Variants in TNFSF4 observed in about 807,000 individuals in gnomAD.
The protein encoded by TNFSF4 is tumor necrosis factor ligand superfamily member 4.
Under a neutral mutation model 7.3 loss-of-function variants are expected in TNFSF4, and 4 were observed. The ratio of observed to expected loss-of-function variants is 0.55; its 90% CI spans 0.27 to 1.25. The LOEUF (loss-of-function observed/expected upper bound fraction) is 1.25, where lower values mean the gene tolerates loss of function less well. Among genes scored for constraint, TNFSF4 ranks in the 50% most tolerant of loss-of-function variants. TNFSF4 has a pLI of 0.12. For synonymous variants in TNFSF4, 76 were observed against 83.7 expected, an observed-to-expected ratio of 0.91 and a Z score of 0.50; for missense variants, 181 against 208.8, an observed-to-expected ratio of 0.87 and a Z score of 0.82.
intron 1 of TNFSF4, among the ~76,000 whole-genome samples, chr1:173,200,164 T>C (rs1411195932): frequency 6.6e-6 from 1 of 152,234 alleles, no homozygotes; most frequent in Non-Finnish European, 1.5e-5. Flanking sequence ...CTAGCCAACA[T>C]TCTTAAAGCT....
At chr1:173,328,796 A>G in the TNFSF4 span, among the ~76,000 whole-genome samples, 1 of 152,154 alleles carries the variant, frequency 6.6e-6, no homozygotes. Context: ...CCAAACAACT[A>G]AAGAAAAAAA....
chr1:173,315,563 T>C, the TNFSF4 span, among the ~76,000 whole-genome samples: 1 of 152,106 alleles, frequency 6.6e-6, no homozygotes, highest in Admixed American at 6.6e-5. Flanking sequence ...AAAAAAAATG[T>C]ACCATTCAAG....
At chr1:173,390,750 C>CTT in the TNFSF4 span, among the ~76,000 whole-genome samples, 79,812 of 127,136 alleles carry the variant, frequency 0.63, 24,457 homozygotes, top group Admixed American at 0.67. Context: ...TTTTTTTTTT[C>CTT]TTTTTTTTTT....
the TNFSF4 span, among the ~76,000 whole-genome samples, chr1:173,425,497 T>C: frequency 6.6e-6 from 1 of 152,158 alleles, no homozygotes; most frequent in African/African-American, 2.4e-5. Flanking sequence ...GCATGTTAGA[T>C]GAGGTAAATA....
chr1:173,224,912 A>T, the TNFSF4 span, among the ~76,000 whole-genome samples: 1 of 152,050 alleles, frequency 6.6e-6, no homozygotes, highest in South Asian at 2.1e-4. Flanking sequence ...TTTTTGCCAC[A>T]CCTTTGCAAT....
the TNFSF4 span, among the ~76,000 whole-genome samples, chr1:173,276,803 G>A: frequency 6.6e-6 from 1 of 152,170 alleles, no homozygotes; most frequent in Non-Finnish European, 1.5e-5. Context: ...GCCTGTGTCT[G>A]TCCTCTTCAA....
the TNFSF4 span, among the ~76,000 whole-genome samples, chr1:173,319,908 T>G: frequency 6.6e-6 from 1 of 152,102 alleles, no homozygotes; most frequent in Non-Finnish European, 1.5e-5. Context: ...AAAACCAGCA[T>G]GAAAACGCTA....
chr1:173,228,519 G>T, the TNFSF4 span, among the ~76,000 whole-genome samples: 1 of 152,068 alleles, frequency 6.6e-6, no homozygotes, highest in African/African-American at 2.4e-5. Flanking sequence ...AAATCAGAGC[G>T]CCTCTCCCCC....
chr1:173,209,755 G>A (rs781760915), upstream of TNFSF4, among the ~76,000 whole-genome samples: 30 of 152,082 alleles, frequency 2.0e-4, no homozygotes, highest in Non-Finnish European at 3.8e-4. Flanking sequence ...CTCCTGCCTT[G>A]GCCTCCCAAA....
At chr1:173,174,034 G>A in the TNFSF4 span, among the ~76,000 whole-genome samples, 1 of 152,142 alleles carries the variant, frequency 6.6e-6, no homozygotes, top group South Asian at 2.1e-4. Flanking sequence ...TTTATGCTCT[G>A]CTTCCTCTTG....
chr1:173,239,891 G>A, the TNFSF4 span, among the ~76,000 whole-genome samples: 1 of 152,164 alleles, frequency 6.6e-6, no homozygotes, highest in African/African-American at 2.4e-5. Context: ...AATTAGCCAG[G>A]TTTGGTAGCA....
At chr1:173,265,068 G>C in the TNFSF4 span, among the ~76,000 whole-genome samples, 58 of 152,304 alleles carry the variant, frequency 3.8e-4, no homozygotes, top group African/African-American at 1.2e-3. Flanking sequence ...AAGAAGGCTT[G>C]ACCAGAGGAG....
chr1:173,427,631 T>A, the TNFSF4 span, among the ~76,000 whole-genome samples: 1 of 152,086 alleles, frequency 6.6e-6, no homozygotes, highest in East Asian at 1.9e-4. Context: ...GTCTCTAGAG[T>A]CAACTATAAT....
At chr1:173,401,611 T>C in the TNFSF4 span, among the ~76,000 whole-genome samples, 1 of 152,134 alleles carries the variant, frequency 6.6e-6, no homozygotes, top group Non-Finnish European at 1.5e-5. Flanking sequence ...CACCATCATC[T>C]CCCCAACTTC....
At chr1:173,348,597 A>G in the TNFSF4 span, among the ~76,000 whole-genome samples, 1 of 152,236 alleles carries the variant, frequency 6.6e-6, no homozygotes, top group Non-Finnish European at 1.5e-5. Context: ...ATTCAATAGA[A>G]AGAAAACCAA....
the TNFSF4 span, among the ~76,000 whole-genome samples, chr1:173,270,461 A>G: frequency 1.3e-5 from 2 of 152,092 alleles, no homozygotes; most frequent in East Asian, 3.9e-4. Flanking sequence ...GTTACAACTG[A>G]GGGTGAGGAT....
the TNFSF4 span, among the ~76,000 whole-genome samples, chr1:173,303,852 A>G: frequency 1.3e-5 from 2 of 151,946 alleles, no homozygotes; most frequent in Non-Finnish European, 2.9e-5. Flanking sequence ...TATGATAGAC[A>G]AGATTCCAGG....
the TNFSF4 span, among the ~76,000 whole-genome samples, chr1:173,441,577 T>C: frequency 6.6e-6 from 1 of 152,148 alleles, no homozygotes. Context: ...TGAGCCAAGA[T>C]TGAGCCACTG....
intron 1 of TNFSF4, among the ~76,000 whole-genome samples, chr1:173,195,062 T>C (rs964810470): frequency 7.2e-5 from 11 of 152,256 alleles, no homozygotes; most frequent in Admixed American, 2.6e-4. Flanking sequence ...AAGAACTTGG[T>C]CGGGAATAAA....
Sources: gnomAD v4.1 joint callset for allele counts (sites outside exome capture counted in the v4.1 genomes callset) on GRCh38, gnomAD v4.1.1 for gene constraint, MANE v1.5 for transcripts, NCBI Gene and HGNC (gene_info 2026-07-23, HGNC 2026-07-21) for gene names.